The following GABRB1 variants were observed in gnomAD, a reference collection of about 807,000 sequenced individuals.
GABRB1 encodes the protein gamma-aminobutyric acid type A receptor subunit beta1.
In GABRB1, 17 loss-of-function variants were observed where a neutral mutation model predicts 51.6. The ratio of observed to expected loss-of-function variants is 0.33; its 90% CI spans 0.23 to 0.49. The LOEUF is 0.49. Ranked by LOEUF, GABRB1 falls within the 20% of genes least tolerant of loss-of-function variation. The probability of loss-of-function intolerance (pLI) is 0.99; values close to 1 mark genes in which losing one functional copy is unlikely to be tolerated. For missense variants in GABRB1, 410 were observed against 600.6 expected (o/e 0.68, Z 3.32); for synonymous variants, 247 against 218.9 (o/e 1.13, Z -1.14).
chr4:47,260,716 C>T (rs753040895), intron 4 of GABRB1, among the ~76,000 whole-genome samples: 10 of 151,862 alleles, frequency 6.6e-5, no homozygotes, highest in Non-Finnish European at 8.8e-5. Flanking sequence ...TGATGGGCTT[C>T]GATACCAAAG....
chr4:47,008,039 G>A lies in GABRB1; in HGVS notation c.-20+14113G>A, dbSNP rs570562877. Among the ~76,000 whole-genome samples the A allele has an allele frequency of 7.9e-5, 12 of 152,142 alleles. 1 individual carries two copies. Among genetic ancestry groups the A allele is most frequent in the East Asian group, 7.7e-4 (4 of 5,172 alleles). On this transcript the variant is annotated intron_variant, in intron 1 of 3. Transcript: ENST00000513567. ...CAATTTGCCCTTACGCATTATTGGT[G>A]AGTGTGGTTGCTTGAACTGGAATAG...
intron 3 of GABRB1, among the ~76,000 whole-genome samples, chr4:47,075,530 C>T (rs1727508409): frequency 6.6e-6 from 1 of 152,136 alleles, no homozygotes; most frequent in Non-Finnish European, 1.5e-5. Flanking sequence ...GAAGGAATAA[C>T]AGTTGCAACC....
intron 4 of GABRB1, among the ~76,000 whole-genome samples, chr4:47,220,742 T>A (rs1173521001): frequency 6.6e-6 from 1 of 152,010 alleles, no homozygotes; most frequent in African/African-American, 2.4e-5. Context: ...CTCTCCAGTA[T>A]CTGTGTGATC....
intron 4 of GABRB1, among the ~76,000 whole-genome samples, chr4:47,293,424 C>A (rs1015302757): frequency 6.6e-6 from 1 of 152,176 alleles, no homozygotes; most frequent in African/African-American, 2.4e-5. Context: ...CAGGCATGAG[C>A]CACCGTGCCT....
At chr4:47,015,064 A>G (rs1304455630) in intron 1 of GABRB1, among the ~76,000 whole-genome samples, 2 of 152,080 alleles carry the variant, frequency 1.3e-5, no homozygotes, top group South Asian at 2.1e-4. Context: ...ACGCCACCAC[A>G]CCCGGCTAAT....
intron 4 of GABRB1, among the ~76,000 whole-genome samples, chr4:47,279,376 G>A (rs992337587): frequency 1.3e-5 from 2 of 152,060 alleles, no homozygotes; most frequent in African/African-American, 4.8e-5. Flanking sequence ...AGACTGAATA[G>A]AGCAAAGTGC....
At chr4:47,075,913 G>A (rs1313538989) in intron 3 of GABRB1, among the ~76,000 whole-genome samples, 1 of 152,118 alleles carries the variant, frequency 6.6e-6, no homozygotes. Flanking sequence ...GCCTGCCTGG[G>A]TCAATCCAGA....
intron 1 of GABRB1, among the ~76,000 whole-genome samples, chr4:47,020,747 G>T (rs976701798): frequency 1.3e-5 from 2 of 152,044 alleles, no homozygotes; most frequent in African/African-American, 2.4e-5. Flanking sequence ...TTCCACCCTT[G>T]CCCTCTAATA....
intron 3 of GABRB1, among the ~76,000 whole-genome samples, chr4:47,148,391 T>C (rs1397523280): frequency 3.9e-5 from 6 of 152,076 alleles, no homozygotes; most frequent in Non-Finnish European, 8.8e-5. Flanking sequence ...TTAATAAGTT[T>C]ACGCTCATCC....
intron 3 of GABRB1, among the ~76,000 whole-genome samples, chr4:47,136,795 CA>C (rs1716680600): frequency 6.6e-6 from 1 of 151,980 alleles, no homozygotes; most frequent in Non-Finnish European, 1.5e-5. Flanking sequence ...TTTATCTCTC[CA>C]AACTAAAACA....
intron 4 of GABRB1, among the ~76,000 whole-genome samples, chr4:47,249,953 C>T (rs773934163): frequency 4.6e-5 from 7 of 152,008 alleles, no homozygotes; most frequent in East Asian, 1.9e-4. Flanking sequence ...ATGTGAGGTA[C>T]GGTTGCATTC....
chr4:47,018,295 TC>T (rs1197867124), intron 1 of GABRB1, among the ~76,000 whole-genome samples: 6 of 151,876 alleles, frequency 4.0e-5, no homozygotes, highest in Non-Finnish European at 7.4e-5. Context: ...CACATCAGCC[TC>T]CCACGTCAGC....
At chr4:47,347,976 C>T (rs1481736808) in intron 5 of GABRB1, among the ~76,000 whole-genome samples, 3 of 152,178 alleles carry the variant, frequency 2.0e-5, no homozygotes, top group Non-Finnish European at 2.9e-5. Context: ...ACATAAAAAT[C>T]ATTGTTAATG....
At chr4:47,249,391 T>C (rs1055239416) in intron 4 of GABRB1, among the ~76,000 whole-genome samples, 6 of 152,158 alleles carry the variant, frequency 3.9e-5, no homozygotes, top group African/African-American at 1.4e-4. Flanking sequence ...ATAATTTCAA[T>C]TTTCTTAAAT....
chr4:47,038,116 A>T (rs1433510142), intron 3 of GABRB1, among the ~76,000 whole-genome samples: 2 of 152,190 alleles, frequency 1.3e-5, no homozygotes, highest in South Asian at 4.1e-4. Context: ...AAAATAAAAA[A>T]ATCTTTGTCT....
At chr4:47,055,310 A>T (rs1038035627) in intron 3 of GABRB1, among the ~76,000 whole-genome samples, 2 of 152,214 alleles carry the variant, frequency 1.3e-5, no homozygotes, top group Non-Finnish European at 2.9e-5. Flanking sequence ...AACCTCAAAC[A>T]AAAAATGAAT....
At chr4:47,220,428 G>A (rs146353903) in intron 4 of GABRB1, among the ~76,000 whole-genome samples, 14 of 151,904 alleles carry the variant, frequency 9.2e-5, no homozygotes, top group East Asian at 3.9e-4. Flanking sequence ...CAATCACTCC[G>A]GTTTGTTAAT....
At chr4:47,253,819 G>T (rs1722079720) in intron 4 of GABRB1, among the ~76,000 whole-genome samples, 1 of 152,156 alleles carries the variant, frequency 6.6e-6, no homozygotes, top group Non-Finnish European at 1.5e-5. Flanking sequence ...TAAAGAAAAG[G>T]CCATAATAGT....
intron 8 of GABRB1, among the ~76,000 whole-genome samples, chr4:47,409,475 TCGAC>T (rs1214356100): frequency 2.0e-5 from 3 of 152,154 alleles, no homozygotes; most frequent in Non-Finnish European, 4.4e-5. Flanking sequence ...CAAACTTCTC[TCGAC>T]ATTCAGACAC....
Sources: allele counts gnomAD v4.1 joint callset (sites outside exome capture counted in the v4.1 genomes callset), GRCh38; gene constraint gnomAD v4.1.1; transcripts MANE v1.5; gene names NCBI Gene and HGNC (gene_info 2026-07-23, HGNC 2026-07-21).